Variants in LRRTM4 observed in about 807,000 individuals in gnomAD.
The protein encoded by LRRTM4 is leucine-rich repeat transmembrane neuronal protein 4.
A neutral mutation model predicts 47.6 loss-of-function variants in LRRTM4; 25 were observed. The ratio of observed to expected loss-of-function variants is 0.53; its 90% CI spans 0.38 to 0.73. The LOEUF is 0.73. Among genes scored for constraint, LRRTM4 ranks in the 30% least tolerant of loss-of-function variants. The probability of loss-of-function intolerance (pLI) is 0.00; values close to 1 mark genes in which losing one functional copy is unlikely to be tolerated. For synonymous variants in LRRTM4, 311 were observed against 269.5 expected (o/e 1.15, Z -1.51); for missense variants, 638 against 713.4 (o/e 0.89, Z 1.20).
intron 3 of LRRTM4, among the ~76,000 whole-genome samples, chr2:76,794,788 A>G (rs1675178761): frequency 6.6e-6 from 1 of 152,022 alleles, no homozygotes; most frequent in Non-Finnish European, 1.5e-5. Flanking sequence ...AACTGTACCC[A>G]CCAGAGCCAG....
chr2:77,261,995 C>T (rs1041567547), intron 3 of LRRTM4, among the ~76,000 whole-genome samples: 9 of 151,958 alleles, frequency 5.9e-5, no homozygotes, highest in African/African-American at 2.2e-4. Flanking sequence ...ACCTGAGCTC[C>T]ACCTCCTGTC....
In LRRTM4 at chr2:77,274,957, C is replaced by G. The variant is rs1049958286; in HGVS notation, c.1551+243361G>C. Reference sequence around the variant, plus strand: ...ATGGGCATCACTGCATGTGTCAGCTCTATGTGGGCCACTAAGGACACACAG... The same window carrying G: ...ATGGGCATCACTGCATGTGTCAGCTGTATGTGGGCCACTAAGGACACACAG... On this transcript the variant is annotated intron_variant, in intron 3 of 3. Coordinates refer to ENST00000409884, the MANE Select transcript of LRRTM4 (RefSeq NM_001134745.3). 2.0e-5 allele frequency among the ~76,000 whole-genome samples: 3 copies of G among 152,092 alleles called. No homozygotes were observed. In the East Asian group the frequency reaches 5.8e-4, roughly 29 times the overall value.
chr2:76,938,249 G>A (rs1426899287), intron 3 of LRRTM4, among the ~76,000 whole-genome samples: 2 of 152,028 alleles, frequency 1.3e-5, no homozygotes, highest in Non-Finnish European at 2.9e-5. Context: ...TAGATATTTT[G>A]AGTTAATCAA....
chr2:77,459,947 T>C (rs548835626), intron 3 of LRRTM4, among the ~76,000 whole-genome samples: 1 of 152,240 alleles, frequency 6.6e-6, no homozygotes, highest in African/African-American at 2.4e-5. Flanking sequence ...ACATACTTCT[T>C]ATTACAATGC....
chr2:77,355,828 C>G (rs902130495), intron 3 of LRRTM4, among the ~76,000 whole-genome samples: 3 of 152,174 alleles, frequency 2.0e-5, no homozygotes, highest in Admixed American at 6.5e-5. Context: ...CACAGTGGCT[C>G]ATTCCTGTAA....
At chr2:77,439,441 CTTGA>C (rs1293822671) in intron 3 of LRRTM4, among the ~76,000 whole-genome samples, 8 of 151,482 alleles carry the variant, frequency 5.3e-5, no homozygotes, top group Admixed American at 3.3e-4. Context: ...CATATTTATG[CTTGA>C]TTGATTTTTT....
intron 3 of LRRTM4, among the ~76,000 whole-genome samples, chr2:76,948,764 T>A (rs2103880750): frequency 6.6e-6 from 1 of 152,050 alleles, no homozygotes; most frequent in East Asian, 1.9e-4. Flanking sequence ...ACTCATTGAA[T>A]AGTTTTAATC....
At chr2:76,979,171 A>G (rs546228033) in intron 3 of LRRTM4, among the ~76,000 whole-genome samples, 23 of 152,148 alleles carry the variant, frequency 1.5e-4, no homozygotes, top group African/African-American at 5.1e-4. Flanking sequence ...ATAGGATCAC[A>G]TATCAGGCAT....
rs182150200 is a variant in LRRTM4, at chr2:76,932,778, A to C, written c.1552-183862T>G. ...ATATACACACGTGTGTATACACACA[A>C]AAGAGAGGAAAATACTTACTCTAAA... On this transcript the variant is annotated intron_variant, in intron 3 of 3. Transcript: ENST00000409884. 9.9e-5 allele frequency among the ~76,000 whole-genome samples: 15 copies of C among 151,346 alleles called. No homozygotes were observed. The East Asian group carries it at 1.6e-3, about 16-fold the overall frequency.
chr2:77,177,678 T>C (rs1328325594), intron 3 of LRRTM4, among the ~76,000 whole-genome samples: 2 of 152,218 alleles, frequency 1.3e-5, no homozygotes, highest in African/African-American at 4.8e-5. Context: ...ATTTTCATGA[T>C]TGGAATCCAC....
intron 3 of LRRTM4, among the ~76,000 whole-genome samples, chr2:77,283,715 C>A (rs959474402): frequency 1.3e-5 from 2 of 151,894 alleles, no homozygotes; most frequent in Non-Finnish European, 2.9e-5. Context: ...CAAATTAATG[C>A]AGGAGCAAAA....
intron 3 of LRRTM4, among the ~76,000 whole-genome samples, chr2:76,954,992 G>T (rs939324337): frequency 2.0e-5 from 3 of 151,714 alleles, no homozygotes; most frequent in Admixed American, 6.6e-5. Context: ...ATATCCTTCA[G>T]AAATGAAGGG....
intron 3 of LRRTM4, among the ~76,000 whole-genome samples, chr2:77,479,347 T>G (rs1677560862): frequency 6.6e-6 from 1 of 152,192 alleles, no homozygotes; most frequent in Admixed American, 6.5e-5. Flanking sequence ...ATTATAAAAC[T>G]ATATAGGAAG....
chr2:76,837,940 G>T (rs1202627092), intron 3 of LRRTM4, among the ~76,000 whole-genome samples: 4 of 151,284 alleles, frequency 2.6e-5, no homozygotes, highest in African/African-American at 7.3e-5. Flanking sequence ...CTGTTGTGGG[G>T]TGGGGGTAGG....
In LRRTM4 at chr2:77,284,421, T is replaced by C. The variant is rs186514144; in HGVS notation, c.1551+233897A>G. 1.5e-3 allele frequency among the ~76,000 whole-genome samples: 231 copies of C among 152,218 alleles called. 3 individuals carry two copies. The highest frequency in any genetic ancestry group is 4.3e-3 in the African/African-American group (180 of 41,566). ...AAGTAAAATGTTTTGCTTTTTGATA[T>C]TTTGTCTTTTCATTAAATATAGAAA... On this transcript the variant is annotated intron_variant, in intron 3 of 3. Transcript: ENST00000409884.
intron 3 of LRRTM4, among the ~76,000 whole-genome samples, chr2:76,856,931 CA>C (rs973166130): frequency 1.4e-5 from 2 of 147,840 alleles, no homozygotes; most frequent in South Asian, 4.3e-4. Context: ...TCTTCTGTCG[CA>C]AAAAAAAATA....
rs542718721 is a variant in LRRTM4 at position 76,780,271 on chromosome 2, G to A, written c.1552-31355C>T. 1.1e-4 allele frequency among the ~76,000 whole-genome samples: 17 copies of A among 152,272 alleles called. No homozygotes were observed. The East Asian group carries it at 3.1e-3, about 28-fold the overall frequency. On this transcript the variant is annotated intron_variant, in intron 3 of 3. Coordinates refer to ENST00000409884, the MANE Select transcript of LRRTM4 (RefSeq NM_001134745.3). ...TGCTCTTCTCGAGGAGTATCTTTGTGTTGTTCTCTGTATTTCCTGAATCTG... is the reference window on the plus strand; with the variant it reads ...TGCTCTTCTCGAGGAGTATCTTTGTATTGTTCTCTGTATTTCCTGAATCTG...
At chr2:76,936,061 C>T (rs569959070) in intron 3 of LRRTM4, among the ~76,000 whole-genome samples, 1 of 152,098 alleles carries the variant, frequency 6.6e-6, no homozygotes, top group East Asian at 1.9e-4. Context: ...ACTAGAAATA[C>T]CATTTGACCC....
rs972989218 is a variant in LRRTM4, at chr2:77,431,835, C to T, written c.1551+86483G>A. On this transcript the variant is annotated intron_variant, in intron 3 of 3. Coordinates refer to ENST00000409884, the MANE Select transcript of LRRTM4 (RefSeq NM_001134745.3). ...TCATACCTGTAATCCCAGCACTTTG[C>T]GAGGCTGAGGAGGGCGGATCATGAG... Among the ~76,000 whole-genome samples, 31 of 148,688 alleles carry T rather than the reference C, an allele frequency of 2.1e-4. 4 individuals carry two copies. The highest frequency in any genetic ancestry group is 7.3e-4 in the African/African-American group (28 of 38,326).
Sources: gnomAD v4.1 joint callset for allele counts (sites outside exome capture counted in the v4.1 genomes callset) on GRCh38, gnomAD v4.1.1 for gene constraint, MANE v1.5 for transcripts, NCBI Gene and HGNC (gene_info 2026-07-23, HGNC 2026-07-21) for gene names.